Variants in ZNF280C observed in about 807,000 individuals in gnomAD.
ZNF280C encodes the protein suppressor of hairy wing homolog 3.
A neutral mutation model predicts 53.6 loss-of-function variants in ZNF280C; 14 were observed. The ratio of observed to expected loss-of-function variants is 0.26; its 90% CI spans 0.17 to 0.41. The LOEUF (loss-of-function observed/expected upper bound fraction) is 0.41, where lower values mean the gene tolerates loss of function less well. Ranked by LOEUF, ZNF280C falls within the 10% of genes least tolerant of loss-of-function variation. The pLI is 1.00. For synonymous variants in ZNF280C, 203 were observed against 181.1 expected (o/e 1.12, Z -0.97); for missense variants, 416 against 547.1 (o/e 0.76, Z 2.39).
intron 17 of ZNF280C, 37 bp from the exon 18 acceptor site, chrX:130,205,190 TATG>T: frequency 3.5e-6 from 4 of 1,156,560 alleles, no homozygotes; most frequent in Non-Finnish European, 4.7e-6. Context: ...CAATAGCATA[TATG>T]AAGAGTGAGA....
Position 130,215,824 on chromosome X carries a change from T to C in ZNF280C, c.1805A>G (p.Lys602Arg). The C allele has an allele frequency of 8.3e-7, 1 of 1,206,472 alleles. No individual in the cohort carries two copies. The highest frequency in any genetic ancestry group is 1.1e-6 in the Non-Finnish European group (1 of 893,735). ...SYKQKRQRNR[K>R]NKMSLALKNI... is the part of the protein sequence containing the mutation. Reference sequence around the variant, plus strand: ...CTTCAAAGCAAGGCTCATTTTATTTTTTCTGTTGCGCTGTCGCTTTTGCTT... The same window carrying C: ...CTTCAAAGCAAGGCTCATTTTATTTCTTCTGTTGCGCTGTCGCTTTTGCTT... Residue 602 changes from lysine (K) to arginine (R), a missense_variant, in exon 14 of 19, where the codon AAA (lysine) becomes AGA (arginine). Around this residue, in one of 3 missense-constraint regions of ZNF280C, gnomAD observed 151 missense variants for 176.9 expected, o/e 0.85. Coordinates refer to ENST00000370978, the MANE Select transcript of ZNF280C (RefSeq NM_017666.5).
chrX:130,223,854 T>C (rs981620570), intron 12 of ZNF280C, among the ~76,000 whole-genome samples: 6 of 112,317 alleles, frequency 5.3e-5, no homozygotes, highest in African/African-American at 1.6e-4. Flanking sequence ...TTACATAAAA[T>C]TGCACTAATG....
chrX:130,233,964 A>G (rs1448726802), intron 8 of ZNF280C, among the ~76,000 whole-genome samples: 2 of 111,239 alleles, frequency 1.8e-5, no homozygotes, highest in Non-Finnish European at 3.8e-5. Flanking sequence ...CTAAAATCAC[A>G]AAGTGAAAGA....
At chrX:130,224,242 A>G (rs1249703766) in intron 12 of ZNF280C, among the ~76,000 whole-genome samples, 1 of 111,917 alleles carries the variant, frequency 8.9e-6, no homozygotes, top group African/African-American at 3.2e-5. Context: ...CCCCCATGTG[A>G]AGACACAGTG....
At chrX:130,217,913 G>A (rs778070339) in intron 13 of ZNF280C, among the ~76,000 whole-genome samples, 2 of 112,240 alleles carry the variant, frequency 1.8e-5, no homozygotes, top group Non-Finnish European at 3.8e-5. Context: ...GCTCATGCCT[G>A]TAACCCCAGC....
In ZNF280C at chrX:130,246,961, C is replaced by T; in HGVS notation, c.76G>A (p.Glu26Lys). The part of the protein sequence containing the change: ...AELFMECEEE[E>K]LEPWQKKVEE... ...ACTTTCTTCTGCCATGGCTCTAGCT[C>T]TTCTTCTTCACATTCCATAAAGAGT... Residue 26 changes from glutamate (E) to lysine (K), a missense_variant, in exon 3 of 19, where the codon GAG becomes AAG. Coordinates refer to ENST00000370978, the MANE Select transcript of ZNF280C (RefSeq NM_017666.5). The T allele has an allele frequency of 1.7e-6, 2 of 1,210,614 alleles. No individual in the cohort carries two copies. The highest frequency in any genetic ancestry group is 2.2e-6 in the Non-Finnish European group (2 of 894,810).
chrX:130,265,538 T>A (rs1461765042), intron 1 of ZNF280C, among the ~76,000 whole-genome samples: 1 of 112,199 alleles, frequency 8.9e-6, no homozygotes, highest in Non-Finnish European at 1.9e-5. Flanking sequence ...GTATGTATTA[T>A]TAATCAATTT....
chrX:130,209,000 A>G (rs1010150085), intron 16 of ZNF280C, among the ~76,000 whole-genome samples: 6 of 112,438 alleles, frequency 5.3e-5, no homozygotes, highest in Non-Finnish European at 1.1e-4. Flanking sequence ...TTGGCCTAAC[A>G]TGAGTATGTT....
At chrX:130,222,549 C>T (rs752382822) in intron 12 of ZNF280C, among the ~76,000 whole-genome samples, 1 of 112,449 alleles carries the variant, frequency 8.9e-6, no homozygotes, top group South Asian at 3.7e-4. Context: ...TGAGTATTTA[C>T]TTGTCCAGAG....
intron 9 of ZNF280C, among the ~76,000 whole-genome samples, chrX:130,229,654 A>G (rs1052651828): frequency 8.9e-6 from 1 of 112,218 alleles, no homozygotes; most frequent in Non-Finnish European, 1.9e-5. Flanking sequence ...CTATAATTAC[A>G]AGAACCTTTT....
At position 130,220,406 on chromosome X, in the gene ZNF280C, C is replaced by A; in HGVS notation, c.1470G>T (p.Ala490=). 1 of 1,202,981 alleles carries A rather than the reference C, an allele frequency of 8.3e-7. No individual in the cohort carries two copies. Among genetic ancestry groups the A allele is most frequent in the Non-Finnish European group, 1.1e-6 (1 of 891,278 alleles). Residue 490 remains alanine (A), a synonymous_variant, in exon 13 of 19, where the codon GCG becomes GCT. Coordinates refer to ENST00000370978, the MANE Select transcript of ZNF280C (RefSeq NM_017666.5). ...TAGGCTTTATAAATGTACGATGCTG[C>A]GCCTTATGTTCAGCTTTCTCCTTGC... is the stretch of plus-strand genomic sequence containing the variant. ...LTSKEKAEHK[A]QHRTFIKPKE...
chrX:130,244,931 T>C (rs2032435347), intron 3 of ZNF280C, among the ~76,000 whole-genome samples: 1 of 110,703 alleles, frequency 9.0e-6, no homozygotes, highest in Admixed American at 9.7e-5. Context: ...AAAAGAAAAA[T>C]ATCCTCAAAC....
At chrX:130,225,811 G>A (rs764336479) in intron 12 of ZNF280C, among the ~76,000 whole-genome samples, 79 of 111,922 alleles carry the variant, frequency 7.1e-4, no homozygotes, top group African/African-American at 2.4e-3. Context: ...ATTCAAGGGC[G>A]ACGTTAGTGC....
At chrX:130,268,504 G>A (rs1023140523) in intron 1 of ZNF280C, among the ~76,000 whole-genome samples, 5 of 111,860 alleles carry the variant, frequency 4.5e-5, no homozygotes, top group Admixed American at 3.7e-4. Context: ...CGCGGCCCGC[G>A]AAACCACTGC....
At chrX:130,225,361 G>A (rs1174765263) in intron 12 of ZNF280C, among the ~76,000 whole-genome samples, 1 of 109,585 alleles carries the variant, frequency 9.1e-6, no homozygotes, top group Non-Finnish European at 1.9e-5. Flanking sequence ...TATACCTCAA[G>A]AAATGTTAAT....
At chrX:130,224,078 C>T (rs942753095) in intron 12 of ZNF280C, among the ~76,000 whole-genome samples, 7 of 111,875 alleles carry the variant, frequency 6.3e-5, no homozygotes, top group Admixed American at 2.9e-4. Context: ...GTGTCCCCTC[C>T]GCCCCCCAAT....
intron 5 of ZNF280C, among the ~76,000 whole-genome samples, chrX:130,242,098 C>T (rs1196670022): frequency 9.3e-6 from 1 of 107,841 alleles, no homozygotes; most frequent in Non-Finnish European, 1.9e-5. Context: ...CAAAAATTAA[C>T]TGGGTGTGGT....
At chrX:130,238,909 G>C (rs1448296295) in intron 6 of ZNF280C, among the ~76,000 whole-genome samples, 1 of 111,074 alleles carries the variant, frequency 9.0e-6, no homozygotes, top group Non-Finnish European at 1.9e-5. Flanking sequence ...GTAATATAGA[G>C]AATAGTAATT....
At chrX:130,231,862 T>C (rs1177331578) in intron 8 of ZNF280C, among the ~76,000 whole-genome samples, 4 of 109,537 alleles carry the variant, frequency 3.7e-5, no homozygotes, top group Non-Finnish European at 7.6e-5. Flanking sequence ...CCGTCTCTAT[T>C]AAAAATACAA....
Sources: allele counts gnomAD v4.1 joint callset (sites outside exome capture counted in the v4.1 genomes callset), GRCh38; gene constraint gnomAD v4.1.1; regional missense constraint gnomAD v4.1.1; transcripts MANE v1.5; gene names NCBI Gene and HGNC (gene_info 2026-07-23, HGNC 2026-07-21).